Variants in WDR64 observed in about 807,000 individuals in gnomAD.
WDR64 encodes WD repeat-containing protein 64.
WDR64 carries 112 observed loss-of-function variants against 139.3 expected under a neutral mutation model. That is an observed-to-expected ratio of 0.80 (90% CI 0.69 to 0.94). The LOEUF (loss-of-function observed/expected upper bound fraction) is 0.94, where lower values mean the gene tolerates loss of function less well. WDR64 is among the 40% of genes least tolerant of loss of function. The pLI is 0.00. For missense variants in WDR64, 1,206 were observed against 1,293.1 expected (o/e 0.93, Z 1.03); for synonymous variants, 444 against 437.7 (o/e 1.01, Z -0.18).
intron 23 of WDR64, among the ~76,000 whole-genome samples, chr1:241,786,219 C>T (rs1659033783): frequency 6.6e-6 from 1 of 152,204 alleles, no homozygotes. Flanking sequence ...ACCTCTGTTT[C>T]TGCCTCCTTC....
intron 25 of WDR64, among the ~76,000 whole-genome samples, chr1:241,792,682 G>A (rs776179596): frequency 2.0e-5 from 3 of 152,190 alleles, no homozygotes; most frequent in Non-Finnish European, 4.4e-5. Flanking sequence ...GATGGCAGAG[G>A]AGGACTCCAT....
At chr1:241,785,603 T>C (rs1266815434) in intron 23 of WDR64, among the ~76,000 whole-genome samples, 1 of 152,208 alleles carries the variant, frequency 6.6e-6, no homozygotes, top group Admixed American at 6.5e-5. Flanking sequence ...AATTTTATGA[T>C]TTCTTACAGT....
chr1:241,792,235 T>C (rs756295244), intron 25 of WDR64, among the ~76,000 whole-genome samples: 1 of 152,054 alleles, frequency 6.6e-6, no homozygotes, highest in South Asian at 2.1e-4. Context: ...TTGTAATACA[T>C]AGGAAGGTTA....
At chr1:241,723,911 C>G (rs2148201857) in intron 10 of WDR64, among the ~76,000 whole-genome samples, 1 of 151,532 alleles carries the variant, frequency 6.6e-6, no homozygotes. Context: ...TAGATAAATT[C>G]CATAAGGTGG....
rs191562984 is a variant in WDR64, at chr1:241,683,687, A to T, written c.825A>T (p.Ser275=). 375 of 1,548,956 alleles carry T rather than the reference A, an allele frequency of 2.4e-4. No individual in the cohort carries two copies. The highest frequency in any genetic ancestry group is 9.2e-4 in the South Asian group (77 of 83,774). ...AATTACAAAATCAGGTCTTAGACTC[A>T]AAGAACTTTAAAAGGTAAGAGTATC... ...KRKLQNQVLD[S]KNFKSVKRKL... Residue 275 remains serine (S), a synonymous_variant, in exon 7 of 28, where the codon TCA becomes TCT. Coordinates refer to ENST00000437684, the MANE Select transcript of WDR64 (RefSeq NM_001367482.1).
At chr1:241,738,258 A>G (rs1669399298) in intron 10 of WDR64, 105 bp from the exon 11 acceptor site, 3 of 1,338,176 alleles carry the variant, frequency 2.2e-6, no homozygotes, top group Non-Finnish European at 3.0e-6. Flanking sequence ...ATACTTTGGT[A>G]TAAGTTTATA....
chr1:241,762,221 G>T (rs531388494), intron 15 of WDR64, among the ~76,000 whole-genome samples: 1 of 152,110 alleles, frequency 6.6e-6, no homozygotes, highest in Non-Finnish European at 1.5e-5. Flanking sequence ...TGTATTCACC[G>T]GCATGAAAAC....
intron 10 of WDR64, among the ~76,000 whole-genome samples, chr1:241,726,590 TAAGTA>T (rs1227010783): frequency 6.6e-6 from 1 of 152,122 alleles, no homozygotes; most frequent in Non-Finnish European, 1.5e-5. Flanking sequence ...AGGCTTTGAT[TAAGTA>T]AATTATGCTG....
intron 1 of WDR64, among the ~76,000 whole-genome samples, chr1:241,659,584 T>G (rs1416564562): frequency 6.6e-6 from 1 of 152,208 alleles, no homozygotes; most frequent in Non-Finnish European, 1.5e-5. Flanking sequence ...GTATTTTGAC[T>G]TTTCAATAGT....
intron 9 of WDR64, among the ~76,000 whole-genome samples, chr1:241,719,782 A>T (rs1158494139): frequency 7.4e-6 from 1 of 135,028 alleles, no homozygotes; most frequent in Admixed American, 7.7e-5. Flanking sequence ...GGTTTTAAAA[A>T]TTTATTTATT....
At chr1:241,787,082 C>T (rs183687622) in intron 23 of WDR64, among the ~76,000 whole-genome samples, 24 of 152,036 alleles carry the variant, frequency 1.6e-4, no homozygotes, top group East Asian at 5.8e-4. Context: ...AGGCCAGGCA[C>T]GGTGGCTCAC....
chr1:241,697,182 T>A (rs68153030), intron 8 of WDR64, among the ~76,000 whole-genome samples: 11,653 of 152,170 alleles, frequency 0.077, 556 homozygotes, highest in East Asian at 0.21. Context: ...TTGCTCTACT[T>A]CCTGTCTCAT....
At chr1:241,695,868 C>T (rs1397848206) in intron 8 of WDR64, among the ~76,000 whole-genome samples, 3 of 152,024 alleles carry the variant, frequency 2.0e-5, no homozygotes, top group Non-Finnish European at 2.9e-5. Flanking sequence ...AATCCCAGCA[C>T]TTTGGGAGGC....
chr1:241,773,531 G>A (rs1292276249), intron 20 of WDR64, among the ~76,000 whole-genome samples: 1 of 152,108 alleles, frequency 6.6e-6, no homozygotes, highest in Non-Finnish European at 1.5e-5. Flanking sequence ...GTGCAGTGGC[G>A]TGATCTCAGC....
In WDR64 at chr1:241,652,315, T is replaced by C. The variant is rs1665391324; in HGVS notation, c.-170T>C. 3 of 612,064 alleles carry C rather than the reference T, an allele frequency of 4.9e-6. No homozygotes were observed. Among genetic ancestry groups the C allele is most frequent in the Non-Finnish European group, 8.4e-6 (3 of 358,432 alleles). 37.9% of individuals were successfully genotyped at this position (612,064 alleles called of 1,614,324 possible). On this transcript the variant is annotated 5_prime_UTR_variant, in exon 1 of 28. Transcript: ENST00000437684. ...TCAGCTTTCCTCCCTGCTAACATCC[T>C]AGTGGCAACTCTTACTCCTACCCGC...
In WDR64 at chr1:241,660,523, AATGCAG is replaced by A. The variant is rs1665785319; in HGVS notation, c.146-1_150del. On this transcript the variant is annotated splice_acceptor_variant and splice_polypyrimidine_tract_variant and intron_variant, in intron 1 of 27. Coordinates refer to ENST00000437684, the MANE Select transcript of WDR64 (RefSeq NM_001367482.1). LOFTEE classifies it high-confidence loss of function. ...GATGAAAATGGACTGTACTTTTTTC[AATGCAG>A]ATGCAATTGGTTATGACAAGTTTTA... The A allele has an allele frequency of 3.2e-6, 5 of 1,549,206 alleles. No homozygotes were observed. The highest frequency in any genetic ancestry group is 2.0e-5 in the Admixed American group (1 of 50,316).
rs534177884 is a variant in WDR64, at chr1:241,772,451, C to CTTTTTTTTTTTT, written c.2291-323_2291-312dup. Among the ~76,000 whole-genome samples the CTTTTTTTTTTTT allele has an allele frequency of 2.1e-3, 122 of 59,056 alleles. 26 individuals are homozygous for CTTTTTTTTTTTT. The highest frequency in any genetic ancestry group is 2.4e-3 in the African/African-American group (38 of 15,644). 38.7% of individuals were successfully genotyped at this position (59,056 alleles called of 152,430 possible). On this transcript the variant is annotated intron_variant, in intron 19 of 27. Transcript: ENST00000437684. ...AGTATTGCAAATTCCAAGATAGATC[C>CTTTTTTTTTTTT]TTTTTTTTTTTTTTTTTTTTTTTTT...
chr1:241,788,569 A>T (rs951462236), intron 24 of WDR64, among the ~76,000 whole-genome samples: 14 of 152,228 alleles, frequency 9.2e-5, no homozygotes, highest in African/African-American at 3.4e-4. Flanking sequence ...GTCCAAATGG[A>T]AAGAATCAGA....
intron 6 of WDR64, among the ~76,000 whole-genome samples, chr1:241,680,667 G>C (rs970109064): frequency 6.6e-6 from 1 of 151,986 alleles, no homozygotes; most frequent in Non-Finnish European, 1.5e-5. Context: ...CATTCTCTTC[G>C]ATCTTTGTCC....
Sources: allele counts gnomAD v4.1 joint callset (sites outside exome capture counted in the v4.1 genomes callset), GRCh38; gene constraint gnomAD v4.1.1; transcripts MANE v1.5; gene names NCBI Gene and HGNC (gene_info 2026-07-23, HGNC 2026-07-21).